NMNAT2: variants seen among roughly 807,000 people sequenced by gnomAD.
The protein encoded by NMNAT2 is nicotinamide/nicotinic acid mononucleotide adenylyltransferase 2.
A neutral mutation model predicts 41.6 loss-of-function variants in NMNAT2; 11 were observed. The ratio of observed to expected loss-of-function variants is 0.26; its 90% CI spans 0.17 to 0.44. NMNAT2 has a LOEUF of 0.44. NMNAT2 is among the 20% of genes least tolerant of loss of function. The pLI is 1.00. For synonymous variants in NMNAT2, 148 were observed against 151.2 expected (o/e 0.98, Z 0.16); for missense variants, 288 against 407.7 (o/e 0.71, Z 2.53).
rs562475039 is a variant in NMNAT2 at position 183,288,311 on chromosome 1, A to T, written c.322-1523T>A. ...TCCCAAGTCACCTGTTAAGTCATGC[A>T]TCTATCTCTGCGGCAGGTCTACTCT... On this transcript the variant is annotated intron_variant, in intron 4 of 10. Coordinates refer to ENST00000287713, the MANE Select transcript of NMNAT2 (RefSeq NM_015039.4). Among the ~76,000 whole-genome samples the T allele has an allele frequency of 2.0e-5, 3 of 152,340 alleles. No homozygotes were observed. In the East Asian group the frequency reaches 5.8e-4, roughly 29 times the overall value.
intron 1 of NMNAT2, among the ~76,000 whole-genome samples, chr1:183,296,128 G>A (rs12072223): frequency 0.11 from 16,166 of 152,212 alleles, 944 homozygotes; most frequent in Middle Eastern, 0.14. Context: ...GGGATTACAG[G>A]CGTGAGCCAC....
At chr1:183,409,769 A>G (rs1370495117) in intron 1 of NMNAT2, among the ~76,000 whole-genome samples, 3 of 152,232 alleles carry the variant, frequency 2.0e-5, no homozygotes, top group African/African-American at 7.2e-5. Flanking sequence ...TTCAAATCCA[A>G]CAAAATCATG....
chr1:183,379,277 C>T (rs755425942), intron 1 of NMNAT2, among the ~76,000 whole-genome samples: 1 of 152,060 alleles, frequency 6.6e-6, no homozygotes. Context: ...ACCTCCTGGG[C>T]TAAAGCAATC....
chr1:183,275,755 C>G (rs1312773383), intron 8 of NMNAT2, among the ~76,000 whole-genome samples: 1 of 152,156 alleles, frequency 6.6e-6, no homozygotes, highest in Admixed American at 6.5e-5. Context: ...TCACTGCAAT[C>G]TCTGCCTCCC....
intron 1 of NMNAT2, among the ~76,000 whole-genome samples, chr1:183,392,653 G>T (rs1237720358): frequency 6.6e-6 from 1 of 151,956 alleles, no homozygotes; most frequent in African/African-American, 2.4e-5. Flanking sequence ...CTCTTCCTCC[G>T]CTCCAAACAT....
At chr1:183,410,188 T>C (rs1287644258) in intron 1 of NMNAT2, among the ~76,000 whole-genome samples, 1 of 149,104 alleles carries the variant, frequency 6.7e-6, no homozygotes, top group Non-Finnish European at 1.5e-5. Context: ...CCGGGCATGA[T>C]GGCGGGTGCC....
chr1:183,384,438 G>A (rs754796175), intron 1 of NMNAT2, among the ~76,000 whole-genome samples: 7 of 152,166 alleles, frequency 4.6e-5, no homozygotes, highest in Non-Finnish European at 1.0e-4. Flanking sequence ...GACCTCAAGT[G>A]ATCTGCTTGC....
chr1:183,260,402 G>A (rs545107569), intron 10 of NMNAT2, among the ~76,000 whole-genome samples: 7 of 152,246 alleles, frequency 4.6e-5, no homozygotes, highest in Admixed American at 1.3e-4. Context: ...TGGCAGCTTA[G>A]CCTGTACCCT....
rs61148033 is a variant in NMNAT2, at chr1:183,251,855, T to TTGC, written c.*783_*785dup. ...CGAAAATCTCACTCCTGATCAAAGG[T>TTGC]TGCTGCTGCTGCTGCTGCTGCTGCT... On this transcript the variant is annotated 3_prime_UTR_variant, in exon 11 of 11. Transcript: ENST00000287713. The TTGC allele has an allele frequency of 3.2e-3, 525 of 163,296 alleles. 4 individuals carry two copies. The highest frequency in any genetic ancestry group is 0.011 in the African/African-American group (461 of 41,462). The allele number at this position is 163,296 out of a possible 1,614,324, so 10.1% of individuals were successfully genotyped here. A position where few individuals can be genotyped will look rare whatever the true frequency, so the allele number is the denominator to read the frequency against.
intron 1 of NMNAT2, among the ~76,000 whole-genome samples, chr1:183,322,726 A>T (rs1662379311): frequency 6.6e-6 from 1 of 152,318 alleles, no homozygotes; most frequent in South Asian, 2.1e-4. Context: ...AATTTTCAGG[A>T]CCACACAGCA....
intron 8 of NMNAT2, among the ~76,000 whole-genome samples, chr1:183,275,149 C>T (rs540129181): frequency 6.6e-6 from 1 of 152,294 alleles, no homozygotes; most frequent in African/African-American, 2.4e-5. Flanking sequence ...GTCCTGTCCT[C>T]ATGTTCGGGG....
chr1:183,304,604 G>C lies in NMNAT2; in HGVS notation c.86-10811C>G. Reference sequence around the variant, plus strand: ...GCTGGAGACAGAATCCTGTTTTCTTGACCATCTGCACCTCCCTCCAGCTGC... The same window carrying C: ...GCTGGAGACAGAATCCTGTTTTCTTCACCATCTGCACCTCCCTCCAGCTGC... On this transcript the variant is annotated intron_variant, in intron 1 of 10. Transcript: ENST00000287713. 1.4e-6 allele frequency: 2 copies of C among 1,436,696 alleles called. 1 individual carries two copies. Among genetic ancestry groups the C allele is most frequent in the Admixed American group, 3.4e-5 (2 of 59,306 alleles). 89.0% of individuals were successfully genotyped at this position (1,436,696 alleles called of 1,614,324 possible).
intron 1 of NMNAT2, among the ~76,000 whole-genome samples, chr1:183,382,506 C>T (rs1663823765): frequency 6.6e-6 from 1 of 152,180 alleles, no homozygotes; most frequent in South Asian, 2.1e-4. Flanking sequence ...TCCAAAGTCT[C>T]ATCTGAGACA....
At chr1:183,400,581 A>G (rs1648780432) in intron 1 of NMNAT2, among the ~76,000 whole-genome samples, 1 of 152,200 alleles carries the variant, frequency 6.6e-6, no homozygotes, top group African/African-American at 2.4e-5. Flanking sequence ...CTCATATGGA[A>G]GCAAAAAAGA....
chr1:183,385,210 A>G (rs1352638242), intron 1 of NMNAT2, among the ~76,000 whole-genome samples: 2 of 151,984 alleles, frequency 1.3e-5, no homozygotes, highest in African/African-American at 4.8e-5. Flanking sequence ...TCTAAAAAAA[A>G]CAACAAAATA....
At position 183,284,808 on chromosome 1, in the gene NMNAT2, A is replaced by G; in HGVS notation, c.449-18T>C. 1 of 1,604,736 alleles carries G rather than the reference A, an allele frequency of 6.2e-7. No individual in the cohort carries two copies. The highest frequency in any genetic ancestry group is 8.5e-7 in the Non-Finnish European group (1 of 1,171,432). ...GATCTTGGCTATGGGAGAGAGCAAG[A>G]CAGACAGGGACAGAGTGGGAGAGAA... On this transcript the variant is annotated intron_variant, in intron 5 of 10. Transcript: ENST00000287713.
intron 1 of NMNAT2, among the ~76,000 whole-genome samples, chr1:183,394,631 G>T (rs1648580111): frequency 6.6e-6 from 1 of 152,172 alleles, no homozygotes; most frequent in Non-Finnish European, 1.5e-5. Context: ...ACTCATACAG[G>T]ATGAGAGCCA....
At chr1:183,396,124 C>T (rs949628045) in intron 1 of NMNAT2, among the ~76,000 whole-genome samples, 2 of 152,188 alleles carry the variant, frequency 1.3e-5, no homozygotes, top group African/African-American at 4.8e-5. Flanking sequence ...TGCAAACAAA[C>T]CCTGGCACTA....
chr1:183,304,972 G>A lies in NMNAT2; in HGVS notation c.86-11179C>T, dbSNP rs192184742. 620 of 901,202 alleles carry A rather than the reference G, an allele frequency of 6.9e-4. 4 individuals are homozygous for A. The African/African-American group carries it at 9.6e-3, about 14-fold the overall frequency. The allele number at this position is 901,202 out of a possible 1,614,324, so 55.8% of individuals were successfully genotyped here. On this transcript the variant is annotated intron_variant, in intron 1 of 10. Coordinates refer to ENST00000287713, the MANE Select transcript of NMNAT2 (RefSeq NM_015039.4). Reference sequence around the variant, plus strand: ...CTGAGAGAACCTCTCATATGCTCCCGCTTGTAGGAGCCACTCCGGAAGTGT... The same window carrying A: ...CTGAGAGAACCTCTCATATGCTCCCACTTGTAGGAGCCACTCCGGAAGTGT...
Sources: allele counts gnomAD v4.1 joint callset (sites outside exome capture counted in the v4.1 genomes callset), GRCh38; gene constraint gnomAD v4.1.1; transcripts MANE v1.5; gene names NCBI Gene and HGNC (gene_info 2026-07-23, HGNC 2026-07-21).